Variants in SLC25A13 observed in about 807,000 individuals in gnomAD.
SLC25A13 encodes the protein electrogenic aspartate/glutamate antiporter SLC25A13, mitochondrial.
SLC25A13 carries 70 observed loss-of-function variants against 85.5 expected under a neutral mutation model. The ratio of observed to expected loss-of-function variants is 0.82; its 90% CI spans 0.68 to 1.00. The LOEUF (loss-of-function observed/expected upper bound fraction) is 1.00. SLC25A13 is among the 50% of genes least tolerant of loss of function. The probability of loss-of-function intolerance (pLI) is 0.00; values close to 1 mark genes in which losing one functional copy is unlikely to be tolerated. For synonymous variants in SLC25A13, 259 were observed against 288.7 expected, an observed-to-expected ratio of 0.90 and a Z score of 1.04; for missense variants, 765 against 819.8, an observed-to-expected ratio of 0.93 and a Z score of 0.82.
chr7:96,252,688 T>C (rs1797479362), intron 3 of SLC25A13, among the ~76,000 whole-genome samples: 1 of 152,106 alleles, frequency 6.6e-6, no homozygotes, highest in African/African-American at 2.4e-5. Flanking sequence ...AAGAGGCAAG[T>C]GTGTTAACCT....
chr7:96,146,684 G>C lies in SLC25A13; in HGVS notation c.1324C>G (p.Gln442Glu). ...ILAGGCAGGSQVIFTNPLEIV... is the reference protein window; with the variant it reads ...ILAGGCAGGSEVIFTNPLEIV... Reference sequence around the variant, plus strand: ...TCTAAAGGATTTGTGAAAATCACCTGGGAGCCTCCAGCCTAAAAAGAACAA... The same window carrying C: ...TCTAAAGGATTTGTGAAAATCACCTCGGAGCCTCCAGCCTAAAAAGAACAA... The change falls in exon 14 of 18, where the codon CAG becomes GAG. Residue 442 changes from glutamine to glutamate, a missense_variant. Gln to Glu is a conservative substitution (Grantham distance 29). Transcript: ENST00000265631. 6.2e-7 allele frequency: 1 copy of C among 1,614,016 alleles called. No individual in the cohort carries two copies. Among genetic ancestry groups the C allele is most frequent in the Non-Finnish European group, 8.5e-7 (1 of 1,179,980 alleles).
At chr7:96,263,532 C>T (rs1052893452) in intron 3 of SLC25A13, among the ~76,000 whole-genome samples, 12 of 152,070 alleles carry the variant, frequency 7.9e-5, no homozygotes, top group African/African-American at 2.9e-4. Context: ...GGGTAGATCC[C>T]ATATTCTCCT....
chr7:96,284,529 A>T (rs1178052129), intron 2 of SLC25A13, among the ~76,000 whole-genome samples: 1 of 152,092 alleles, frequency 6.6e-6, no homozygotes, highest in Non-Finnish European at 1.5e-5. Context: ...CAATTTTCCC[A>T]TCTTTCGCTA....
rs1424072283 is a variant in SLC25A13 at position 96,159,502 on chromosome 7, CAAGAA to C, written c.1311+10538_1311+10542del. 2.0e-5 allele frequency among the ~76,000 whole-genome samples: 3 copies of C among 152,228 alleles called. No individual in the cohort carries two copies. The East Asian group carries it at 5.8e-4, about 29-fold the overall frequency. The stretch of plus-strand genomic sequence containing the variant: ...GACACAGTGAGAAGGCGGCCATCTG[CAAGAA>C]AAGAAGAGAGGCCTCAGAAGAAACC... On this transcript the variant is annotated intron_variant, in intron 13 of 17. Coordinates refer to ENST00000265631, the MANE Select transcript of SLC25A13 (RefSeq NM_014251.3).
At chr7:96,255,333 T>A (rs1230045426) in intron 3 of SLC25A13, among the ~76,000 whole-genome samples, 2 of 152,258 alleles carry the variant, frequency 1.3e-5, no homozygotes. Context: ...TTTAACTGTG[T>A]CAATTTATCT....
At chr7:96,173,481 T>C (rs933748593) in intron 11 of SLC25A13, among the ~76,000 whole-genome samples, 1 of 152,250 alleles carries the variant, frequency 6.6e-6, no homozygotes, top group African/African-American at 2.4e-5. Context: ...TGCAAATGTG[T>C]ACCTGCATCT....
In SLC25A13 at chr7:96,292,878, C is replaced by T. The variant is rs557978836; in HGVS notation, c.69+4020G>A. Among the ~76,000 whole-genome samples the T allele has an allele frequency of 2.6e-3, 398 of 152,258 alleles. 1 individual carries two copies. The highest frequency in any genetic ancestry group is 3.6e-3 in the Non-Finnish European group (245 of 68,030). On this transcript the variant is annotated intron_variant, in intron 2 of 17. Coordinates refer to ENST00000265631, the MANE Select transcript of SLC25A13 (RefSeq NM_014251.3). Reference sequence around the variant, plus strand: ...CCCAAGGTAATTTACAGATTCAATTCCATCCCCATCAAGCTACCAATGACT... The same window carrying T: ...CCCAAGGTAATTTACAGATTCAATTTCATCCCCATCAAGCTACCAATGACT...
chr7:96,163,150 G>A (rs1280921082), intron 13 of SLC25A13, among the ~76,000 whole-genome samples: 1 of 152,134 alleles, frequency 6.6e-6, no homozygotes, highest in Non-Finnish European at 1.5e-5. Context: ...GTTGAGTCTG[G>A]GCCAGCCTAA....
intron 12 of SLC25A13, 88 bp downstream of exon 12, chr7:96,171,384 A>C: frequency 1.6e-6 from 2 of 1,247,476 alleles, no homozygotes; most frequent in Non-Finnish European, 2.4e-6. Flanking sequence ...CTGAGAAAAC[A>C]AACCTGCTGT....
chr7:96,227,569 GAGAATATACAATAATGTAAAA>G (rs1462892205), intron 4 of SLC25A13, among the ~76,000 whole-genome samples: 2 of 152,146 alleles, frequency 1.3e-5, no homozygotes, highest in African/African-American at 4.8e-5. Flanking sequence ...AGTATTAGCG[GAGAATATACAATAATGTAAAA>G]AGAATGGAGC....
chr7:96,188,963 A>G (rs1276280186), intron 9 of SLC25A13, among the ~76,000 whole-genome samples: 1 of 152,240 alleles, frequency 6.6e-6, no homozygotes, highest in African/African-American at 2.4e-5. Context: ...GCACAGTGAC[A>G]CCAACACGGG....
At chr7:96,223,695 G>A (rs899628939) in intron 4 of SLC25A13, among the ~76,000 whole-genome samples, 1 of 150,520 alleles carries the variant, frequency 6.6e-6, no homozygotes, top group African/African-American at 2.4e-5. Flanking sequence ...GGCTGAGGCA[G>A]GAGAATTGCT....
intron 4 of SLC25A13, among the ~76,000 whole-genome samples, chr7:96,223,781 C>G (rs1796225299): frequency 7.6e-6 from 1 of 131,146 alleles, no homozygotes; most frequent in South Asian, 2.5e-4. Context: ...GAGCGAGACT[C>G]CATCTCTGAA....
At chr7:96,143,308 A>G (rs1057402307) in intron 14 of SLC25A13, among the ~76,000 whole-genome samples, 3 of 152,242 alleles carry the variant, frequency 2.0e-5, no homozygotes, top group African/African-American at 7.2e-5. Context: ...TCAAAAGTAG[A>G]TGGATACAAC....
At chr7:96,281,731 G>C (rs1012560437) in intron 2 of SLC25A13, among the ~76,000 whole-genome samples, 1 of 152,278 alleles carries the variant, frequency 6.6e-6, no homozygotes, top group Admixed American at 6.5e-5. Context: ...AAGTCTTTGA[G>C]AGATATTATC....
intron 2 of SLC25A13, among the ~76,000 whole-genome samples, chr7:96,280,638 A>C (rs1236358648): frequency 1.3e-5 from 2 of 152,056 alleles, no homozygotes; most frequent in East Asian, 3.9e-4. Flanking sequence ...TCGCTTGAGC[A>C]CAAAAGATTG....
chr7:96,196,584 A>G (rs1795072503), intron 5 of SLC25A13, among the ~76,000 whole-genome samples: 3 of 152,196 alleles, frequency 2.0e-5, no homozygotes, highest in Admixed American at 1.3e-4. Context: ...CCATGATTAA[A>G]CATCTATGAG....
chr7:96,173,734 T>C (rs1794102581), intron 11 of SLC25A13, among the ~76,000 whole-genome samples: 1 of 152,146 alleles, frequency 6.6e-6, no homozygotes, highest in African/African-American at 2.4e-5. Context: ...AGCCCTTCAC[T>C]AAGCAACTAT....
chr7:96,290,362 A>G (rs1446207851), intron 2 of SLC25A13, among the ~76,000 whole-genome samples: 4 of 152,236 alleles, frequency 2.6e-5, no homozygotes, highest in African/African-American at 7.2e-5. Flanking sequence ...GAGAAACTGT[A>G]TGAAGCAACG....
Sources: gnomAD v4.1 joint callset for allele counts (sites outside exome capture counted in the v4.1 genomes callset) on GRCh38, gnomAD v4.1.1 for gene constraint, MANE v1.5 for transcripts, NCBI Gene and HGNC (gene_info 2026-07-23, HGNC 2026-07-21) for gene names.